The following PTPRD variants were observed in gnomAD, a reference collection of about 807,000 sequenced individuals.
PTPRD encodes the protein protein tyrosine phosphatase receptor type D, also known as receptor-type tyrosine-protein phosphatase delta.
In PTPRD, 34 loss-of-function variants were observed where a neutral mutation model predicts 214.5. That is an observed-to-expected ratio of 0.16 (90% confidence interval 0.12 to 0.21). The LOEUF is 0.21. PTPRD is among the 10% of genes least tolerant of loss of function. The pLI is 1.00. For synonymous variants in PTPRD, 1,128 were observed against 845.7 expected (o/e 1.33, Z -5.79); for missense variants, 2,545 against 2,398.7 (o/e 1.06, Z -1.27).
Position 8,317,832 on chromosome 9 carries a change from T to C in PTPRD, c.*42A>G, listed in dbSNP as rs769721404. Reference sequence around the variant, plus strand: ...TGGCTCAGAAGAGACTCCATGGATATTGAAGGGCCTGTAGTAAAAATCCAG... The same window carrying C: ...TGGCTCAGAAGAGACTCCATGGATACTGAAGGGCCTGTAGTAAAAATCCAG... On this transcript the variant is annotated 3_prime_UTR_variant, in exon 46 of 46. Transcript: ENST00000381196. The C allele has an allele frequency of 6.3e-6, 10 of 1,581,262 alleles. No homozygotes were observed. The highest frequency in any genetic ancestry group is 1.7e-4 in the Middle Eastern group (1 of 5,962).
intron 3 of PTPRD, among the ~76,000 whole-genome samples, chr9:10,163,174 TA>T (rs978424710): frequency 4.6e-5 from 7 of 151,334 alleles, no homozygotes; most frequent in Admixed American, 4.0e-4. Context: ...TTATCCTAAT[TA>T]AAAAATGATT....
intron 3 of PTPRD, among the ~76,000 whole-genome samples, chr9:10,093,932 C>A (rs1381043986): frequency 1.3e-5 from 2 of 151,240 alleles, no homozygotes; most frequent in African/African-American, 4.8e-5. Context: ...CGGGGGACTA[C>A]TAGAGCAGGG....
chr9:10,000,954 C>T (rs2096293901), intron 4 of PTPRD, among the ~76,000 whole-genome samples: 1 of 152,172 alleles, frequency 6.6e-6, no homozygotes, highest in Admixed American at 6.5e-5. Flanking sequence ...ATCCACTGGG[C>T]CGTATGCAAA....
At chr9:8,783,089 C>T (rs758072969) in intron 11 of PTPRD, among the ~76,000 whole-genome samples, 17 of 152,086 alleles carry the variant, frequency 1.1e-4, no homozygotes, top group Non-Finnish European at 1.9e-4. Context: ...GAAGTTCGAG[C>T]AAATTACAGC....
intron 9 of PTPRD, among the ~76,000 whole-genome samples, chr9:9,371,204 T>C (rs2059399156): frequency 6.6e-6 from 1 of 152,170 alleles, no homozygotes. Flanking sequence ...GCTCCTCCTG[T>C]ACCTCTGGTA....
intron 9 of PTPRD, among the ~76,000 whole-genome samples, chr9:9,384,742 A>G (rs1468180419): frequency 2.6e-5 from 4 of 151,980 alleles, no homozygotes; most frequent in Non-Finnish European, 4.4e-5. Flanking sequence ...CAGACTTTCT[A>G]TTATGATGAA....
At chr9:9,805,399 G>C (rs2099066620) in intron 5 of PTPRD, among the ~76,000 whole-genome samples, 1 of 152,100 alleles carries the variant, frequency 6.6e-6, no homozygotes, top group South Asian at 2.1e-4. Flanking sequence ...AACAGTATTA[G>C]AAAAGAGGAA....
chr9:9,284,155 A>C (rs1948652631), intron 9 of PTPRD, among the ~76,000 whole-genome samples: 1 of 151,662 alleles, frequency 6.6e-6, no homozygotes, highest in Non-Finnish European at 1.5e-5. Context: ...TAAACGTAAA[A>C]TAATTCCTTT....
intron 9 of PTPRD, among the ~76,000 whole-genome samples, chr9:9,344,702 C>T (rs2048164602): frequency 6.6e-6 from 1 of 151,920 alleles, no homozygotes; most frequent in African/African-American, 2.4e-5. Flanking sequence ...TAAGTTAAAA[C>T]ATTTTAGATG....
chr9:9,555,658 G>T (rs935898998), intron 8 of PTPRD, among the ~76,000 whole-genome samples: 1 of 152,024 alleles, frequency 6.6e-6, no homozygotes, highest in Non-Finnish European at 1.5e-5. Flanking sequence ...TCTAGTACAA[G>T]AAGAAACCAC....
chr9:9,723,168 C>T (rs1386420571), intron 7 of PTPRD, among the ~76,000 whole-genome samples: 1 of 151,916 alleles, frequency 6.6e-6, no homozygotes, highest in Non-Finnish European at 1.5e-5. Context: ...TATATTTAGG[C>T]CTGTGATCTA....
At chr9:9,084,405 G>C (rs570154036) in intron 10 of PTPRD, among the ~76,000 whole-genome samples, 1 of 152,234 alleles carries the variant, frequency 6.6e-6, no homozygotes, top group African/African-American at 2.4e-5. Flanking sequence ...GGCCTGTCAG[G>C]GGTTGGGGGT....
intron 2 of PTPRD, among the ~76,000 whole-genome samples, chr9:10,496,620 CT>C (rs5896397): frequency 0.68 from 102,534 of 151,786 alleles, 36,817 homozygotes; most frequent in Middle Eastern, 0.84. Flanking sequence ...AACATCTGTT[CT>C]TTTTTGACTT....
chr9:9,686,771 G>A (rs1280742440), intron 7 of PTPRD, among the ~76,000 whole-genome samples: 2 of 151,618 alleles, frequency 1.3e-5, no homozygotes, highest in Non-Finnish European at 2.9e-5. Context: ...CATATATACA[G>A]TGACTATGCA....
At chr9:9,988,958 T>C (rs1051335146) in intron 4 of PTPRD, among the ~76,000 whole-genome samples, 93 of 137,464 alleles carry the variant, frequency 6.8e-4, no homozygotes, top group African/African-American at 2.5e-3. Context: ...CTGTACAACA[T>C]ATGTACTGTC....
intron 5 of PTPRD, among the ~76,000 whole-genome samples, chr9:9,806,026 C>G (rs546659684): frequency 9.2e-5 from 14 of 152,064 alleles, no homozygotes; most frequent in African/African-American, 3.4e-4. Flanking sequence ...GTTTACCATG[C>G]AAAAGCCATT....
intron 12 of PTPRD, among the ~76,000 whole-genome samples, chr9:8,732,895 G>A (rs10123542): frequency 6.6e-6 from 1 of 152,136 alleles, no homozygotes; most frequent in Non-Finnish European, 1.5e-5. Context: ...AAATGTTAAT[G>A]ACTGCAGATG....
At chr9:8,927,101 T>C (rs1897674) in intron 11 of PTPRD, among the ~76,000 whole-genome samples, 75,346 of 151,914 alleles carry the variant, frequency 0.5, 19,332 homozygotes, top group East Asian at 0.81. Flanking sequence ...ACATTTTTAC[T>C]AGCTCTTAAG....
At chr9:8,889,689 A>T (rs1056284530) in intron 11 of PTPRD, among the ~76,000 whole-genome samples, 2 of 143,522 alleles carry the variant, frequency 1.4e-5, no homozygotes, top group African/African-American at 5.2e-5. Context: ...CTTAGCTCCT[A>T]CTTAAAAGTG....
Sources: gnomAD v4.1 joint callset for allele counts (sites outside exome capture counted in the v4.1 genomes callset) on GRCh38, gnomAD v4.1.1 for gene constraint, MANE v1.5 for transcripts, NCBI Gene and HGNC (gene_info 2026-07-23, HGNC 2026-07-21) for gene names.